MYH3: variants seen among roughly 807,000 people sequenced by gnomAD.
MYH3 encodes the protein myosin-3.
Under a neutral mutation model 238.0 loss-of-function variants are expected in MYH3, and 130 were observed. The observed-to-expected ratio is 0.55, with a 90% confidence interval of 0.47 to 0.63. The LOEUF is 0.63. MYH3 is among the 30% of genes least tolerant of loss of function. The pLI is 0.00. For missense variants in MYH3, 1,853 were observed against 2,374.9 expected, an observed-to-expected ratio of 0.78 and a Z score of 4.57; for synonymous variants, 880 against 924.1, an observed-to-expected ratio of 0.95 and a Z score of 0.86.
chr17:10,631,520 G>T (rs1597481051), intron 36 of MYH3, 91 bp downstream of exon 36: 1 of 1,590,464 alleles, frequency 6.3e-7, no homozygotes, highest in Non-Finnish European at 8.6e-7. Context: ...ACCAGGTGTG[G>T]CTGGGGGAGA....
rs759856442 is a variant in MYH3, at chr17:10,638,955, A to G, written c.3257T>C (p.Phe1086Ser). 4 of 1,614,172 alleles carry G rather than the reference A, an allele frequency of 2.5e-6. No homozygotes were observed. In the South Asian group the frequency reaches 4.4e-5, roughly 18 times the overall value. The part of the protein sequence containing the change: ...QLDERLKKKD[F>S]EYCQLQSKVE... Reference sequence around the variant, plus strand: ...TTTGCTTTGAAGTTGACAATATTCAAAATCTTTCCTGTGAAGAGAAATGTA... The same window carrying G: ...TTTGCTTTGAAGTTGACAATATTCAGAATCTTTCCTGTGAAGAGAAATGTA... Residue 1086 changes from phenylalanine to serine, a missense_variant, in exon 26 of 41, where the codon TTT (phenylalanine) becomes TCT (serine). By Grantham distance (155) the Phe-to-Ser change is radical. This residue lies in a region of MYH3 where 1,044 missense variants were observed against 1,192.6 expected (regional missense o/e 0.88). Transcript: ENST00000583535.
At position 10,655,017 on chromosome 17, in the gene MYH3, G is replaced by A. The variant is rs267604729; in HGVS notation, c.48C>T (p.Phe16=). Residue 16 remains phenylalanine, a synonymous_variant, in exon 3 of 41, where the codon TTC becomes TTT. Transcript: ENST00000583535. ...EMEVFGIAAP[F]LRKSEKERIE... ...TCCTCTCCTTTTCTGACTTCCGGAGGAAAGGAGCAGCTATGCCGAACACTT... is the reference window on the plus strand; with the variant it reads ...TCCTCTCCTTTTCTGACTTCCGGAGAAAAGGAGCAGCTATGCCGAACACTT... 1 of 1,614,198 alleles carries A rather than the reference G, an allele frequency of 6.2e-7. No individual in the cohort carries two copies. Among genetic ancestry groups the A allele is most frequent in the Non-Finnish European group, 8.5e-7 (1 of 1,180,038 alleles).
chr17:10,646,619 G>C (rs1355627348), intron 10 of MYH3, among the ~76,000 whole-genome samples: 1 of 152,260 alleles, frequency 6.6e-6, no homozygotes, highest in Non-Finnish European at 1.5e-5. Context: ...CCAAAGGACA[G>C]TTAGGTGTTC....
At chr17:10,665,411 G>A in the MYH3 span, among the ~76,000 whole-genome samples, 2 of 152,110 alleles carry the variant, frequency 1.3e-5, no homozygotes, top group Non-Finnish European at 2.9e-5. Context: ...TCAAAGTGCT[G>A]GGATTACAGG....
Position 10,629,644 on chromosome 17 carries a change from G to C in MYH3, c.5749C>G (p.Gln1917Glu). 1.2e-6 allele frequency: 2 copies of C among 1,614,180 alleles called. No individual in the cohort carries two copies. Among genetic ancestry groups the C allele is most frequent in the Admixed American group, 1.7e-5 (1 of 60,034 alleles). Residue 1917 changes from glutamine (Q) to glutamate (E), a missense_variant, in exon 40 of 41, where the codon CAA becomes GAA. Gln to Glu is a conservative substitution (Grantham distance 29, BLOSUM62 2). This residue lies in a region of MYH3 where 1,044 missense variants were observed against 1,192.6 expected (regional missense o/e 0.88). Coordinates refer to ENST00000583535, the MANE Select transcript of MYH3 (RefSeq NM_002470.4). ...GTCTTAGCGCGGAGCTTGTTGACTTGAGATTCTGCGATATCCGCACGTTCC... is the reference window on the plus strand; with the variant it reads ...GTCTTAGCGCGGAGCTTGTTGACTTCAGATTCTGCGATATCCGCACGTTCC... ...AEERADIAES[Q>E]VNKLRAKTRD...
the MYH3 span, among the ~76,000 whole-genome samples, chr17:10,664,301 C>T: frequency 2.0e-5 from 3 of 152,026 alleles, no homozygotes; most frequent in Admixed American, 2.0e-4. Context: ...CTATGATTAG[C>T]TACGAATCCC....
At position 10,648,625 on chromosome 17, in the gene MYH3, T is replaced by C; in HGVS notation, c.667A>G (p.Ser223Gly). The change falls in exon 8 of 41, where the codon AGT becomes GGT. Residue 223 changes from serine (S) to glycine (G), a missense_variant. Transcript: ENST00000583535. ...MKGTLEDQII[S>G]ANPLLEAFGN... is the part of the protein sequence containing the mutation. ...AAGGCCTCCAGCAGGGGATTGGCAC[T>C]GATGATTTGATCTTCCAGAGTCCCC... The C allele has an allele frequency of 6.2e-7, 1 of 1,614,054 alleles. No homozygotes were observed. The highest frequency in any genetic ancestry group is 8.5e-7 in the Non-Finnish European group (1 of 1,179,922).
At chr17:10,633,990 G>C in intron 32 of MYH3, 27 bp downstream of exon 32, 2 of 1,611,686 alleles carry the variant, frequency 1.2e-6, no homozygotes, top group South Asian at 2.2e-5. Flanking sequence ...GAAAGGAGGA[G>C]GTTTCAGAGG....
rs1182255788 is a variant in MYH3 at position 10,639,548 on chromosome 17, C to T, written c.2925+12G>A. 9 of 1,614,012 alleles carry T rather than the reference C, an allele frequency of 5.6e-6. 1 individual carries two copies. The highest frequency in any genetic ancestry group is 5.9e-6 in the Non-Finnish European group (7 of 1,180,020). On this transcript the variant is annotated intron_variant, in intron 23 of 40. Transcript: ENST00000583535. ...GACTATATCAAGCTAGACACACCTA[C>T]AATAAGAATACCTTGTTCTCTGTGG...
At chr17:10,632,966 C>T (rs2074180000) in intron 33 of MYH3, among the ~76,000 whole-genome samples, 182 bp from the exon 34 acceptor site, 1 of 152,192 alleles carries the variant, frequency 6.6e-6, no homozygotes, top group South Asian at 2.1e-4. Context: ...AATCCCAGCA[C>T]TTTGGGAGGC....
At chr17:10,645,607 G>A in intron 12 of MYH3, 100 bp downstream of exon 12, 3 of 1,469,188 alleles carry the variant, frequency 2.0e-6, no homozygotes, top group Non-Finnish European at 2.8e-6. Flanking sequence ...ACAGGTGTGA[G>A]CCACTGTGCC....
At chr17:10,632,827 T>C (rs1293609044) in intron 33 of MYH3, 43 bp from the exon 34 acceptor site, 4 of 1,595,406 alleles carry the variant, frequency 2.5e-6, no homozygotes, top group East Asian at 2.2e-5. Flanking sequence ...TGTGATGGTA[T>C]GGAGCCAGCT....
At chr17:10,650,265 C>T (rs973483006) in intron 6 of MYH3, 109 bp downstream of exon 6, 30 of 1,150,440 alleles carry the variant, frequency 2.6e-5, no homozygotes, top group Middle Eastern at 1.9e-4. Context: ...TGTCAGCCAC[C>T]GCGCCCAGCC....
chr17:10,629,672 G>C lies in MYH3; in HGVS notation c.5721C>G (p.Ala1907=), dbSNP rs775534998. 6.2e-7 allele frequency: 1 copy of C among 1,614,140 alleles called. No homozygotes were observed. Among genetic ancestry groups the C allele is most frequent in the South Asian group, 1.1e-5 (1 of 91,076 alleles). ...ATTCTGCGATATCCGCACGTTCCTC[G>C]GCCTCCTCCAGCTCATGCTGAGCCT... ...FRKAQHELEE[A]EERADIAESQ... Residue 1907 remains alanine (A), a synonymous_variant, in exon 40 of 41, where the codon GCC becomes GCG. Coordinates refer to ENST00000583535, the MANE Select transcript of MYH3 (RefSeq NM_002470.4).
At chr17:10,649,445 A>G in intron 7 of MYH3, 132 bp downstream of exon 7, 1 of 788,652 alleles carries the variant, frequency 1.3e-6, no homozygotes. Flanking sequence ...GCTGTCCTTC[A>G]AGATAGTAAA....
chr17:10,638,738 A>G, intron 26 of MYH3, 135 bp downstream of exon 26: 1 of 892,258 alleles, frequency 1.1e-6, no homozygotes, highest in South Asian at 1.5e-5. Context: ...TGGCCAGGCC[A>G]GCCTAGCAGA....
At position 10,628,647 on chromosome 17, in the gene MYH3, G is replaced by T. The variant is rs1236930137; in HGVS notation, c.*6C>A. The stretch of plus-strand genomic sequence containing the variant: ...ATATCTTCTGTCCTGCTCCAGAAGG[G>T]CTGGCTCACTCTTCACTCTCGTGGA... On this transcript the variant is annotated 3_prime_UTR_variant, in exon 41 of 41. Transcript: ENST00000583535. The T allele has an allele frequency of 3.7e-6, 6 of 1,614,138 alleles. No individual in the cohort carries two copies. Among genetic ancestry groups the T allele is most frequent in the Non-Finnish European group, 5.1e-6 (6 of 1,179,968 alleles).
Position 10,638,179 on chromosome 17 carries a change from G to A in MYH3, c.3593C>T (p.Ala1198Val), listed in dbSNP as rs374929326. 3.5e-5 allele frequency: 57 copies of A among 1,613,664 alleles called. No homozygotes were observed. Among genetic ancestry groups the A allele is most frequent in the Non-Finnish European group, 4.2e-5 (50 of 1,179,992 alleles). The change falls in exon 27 of 41, where the codon GCG (alanine) becomes GTG (valine). Residue 1198 changes from alanine to valine, a missense_variant. This residue lies in a region of MYH3 where 1,044 missense variants were observed against 1,192.6 expected (regional missense o/e 0.88). Transcript: ENST00000583535. Reference protein sequence around the residue: ...AMVAALRKKHADSVAELGEQI... With the variant: ...AMVAALRKKHVDSVAELGEQI... ...CTCCCCAAGCTCGGCCACACTATCC[G>A]CATGCTTCTTCCTCAGCGCGGCCAC...
At chr17:10,648,499 C>T in intron 8 of MYH3, 58 bp downstream of exon 8, 1 of 1,400,714 alleles carries the variant, frequency 7.1e-7, no homozygotes, top group East Asian at 2.3e-5. Context: ...GAGGACAGGG[C>T]TCTTGCCTAT....
Sources: gnomAD v4.1 joint callset for allele counts (sites outside exome capture counted in the v4.1 genomes callset) on GRCh38, gnomAD v4.1.1 for gene constraint, gnomAD v4.1.1 regional missense constraint, MANE v1.5 for transcripts, NCBI Gene and HGNC (gene_info 2026-07-23, HGNC 2026-07-21) for gene names.